Variants in DNAL1 observed in about 807,000 individuals in gnomAD.
The protein encoded by DNAL1 is dynein axonemal light chain 1, also known as chromosome 14 open reading frame 168.
In DNAL1, 17 loss-of-function variants were observed where a neutral mutation model predicts 29.4. The observed-to-expected ratio is 0.58, with a 90% CI of 0.40 to 0.87. The LOEUF is 0.87. DNAL1 is among the 40% of genes least tolerant of loss of function. The pLI, the probability that DNAL1 is intolerant of heterozygous loss-of-function variation, is 0.00. For synonymous variants in DNAL1, 78 were observed against 76.3 expected, an observed-to-expected ratio of 1.02 and a Z score of -0.12; for missense variants, 188 against 214.1, an observed-to-expected ratio of 0.88 and a Z score of 0.76.
In DNAL1 at chr14:73,698,143, G is replaced by A. The variant is rs1892346622; in HGVS notation, c.*2201G>A. The A allele has an allele frequency of 6.6e-6, 1 of 152,166 alleles. No individual in the cohort carries two copies. Among genetic ancestry groups the A allele is most frequent in the Admixed American group, 6.5e-5 (1 of 15,278 alleles). The allele number at this position is 152,166 out of a possible 1,614,324, so 9.4% of individuals were successfully genotyped here. On this transcript the variant is annotated 3_prime_UTR_variant, in exon 8 of 8. Coordinates refer to ENST00000553645, the MANE Select transcript of DNAL1 (RefSeq NM_031427.4). ...TCTGAATTCTGTAATATAGAAACTG[G>A]TTCTCTTTCTCCTTGTTTCTCAATG...
At chr14:73,679,100 G>A (rs1891813810) in intron 5 of DNAL1, among the ~76,000 whole-genome samples, 1 of 152,044 alleles carries the variant, frequency 6.6e-6, no homozygotes. Context: ...GGGTTCAAGC[G>A]ATTCTCCTGC....
chr14:73,700,640 G>C lies in DNAL1; in HGVS notation c.*4698G>C, dbSNP rs1293725941. On this transcript the variant is annotated 3_prime_UTR_variant, in exon 8 of 8. Coordinates refer to ENST00000553645, the MANE Select transcript of DNAL1 (RefSeq NM_031427.4). ...AGTGTCAAAGCATCAGTCATGAATA[G>C]ATTATGTCTCTCTGACTACAGTCAG... 6.6e-6 allele frequency: 1 copy of C among 152,216 alleles called. No homozygotes were observed. The highest frequency in any genetic ancestry group is 6.5e-5 in the Admixed American group (1 of 15,270). The allele number at this position is 152,216 out of a possible 1,614,324, so 9.4% of individuals were successfully genotyped here.
At chr14:73,693,078 C>A (rs1362076105) in intron 7 of DNAL1, among the ~76,000 whole-genome samples, 1 of 152,112 alleles carries the variant, frequency 6.6e-6, no homozygotes, top group Non-Finnish European at 1.5e-5. Context: ...TCGTGATCCA[C>A]CCACCTCAGC....
At chr14:73,660,673 G>A (rs866586170) in intron 3 of DNAL1, among the ~76,000 whole-genome samples, 33 of 152,220 alleles carry the variant, frequency 2.2e-4, no homozygotes, top group African/African-American at 3.4e-4. Context: ...GCTTTTGTAC[G>A]CAGCTTGTTC....
At position 73,658,902 on chromosome 14, in the gene DNAL1, A is replaced by G. The variant is rs1390555481; in HGVS notation, c.98A>G (p.Gln33Arg). ...GCCAAAGAGATAAAACTTTATGCCCAGATTCCCCCTATAGAGAAGATGGAT... is the reference window on the plus strand; with the variant it reads ...GCCAAAGAGATAAAACTTTATGCCCGGATTCCCCCTATAGAGAAGATGGAT... Reference protein sequence around the residue: ...SEAKEIKLYAQIPPIEKMDAS... With the variant: ...SEAKEIKLYARIPPIEKMDAS... Residue 33 changes from glutamine to arginine, a missense_variant, in exon 3 of 8, where the codon CAG becomes CGG. By Grantham distance (43) the Gln-to-Arg change is conservative. Coordinates refer to ENST00000553645, the MANE Select transcript of DNAL1 (RefSeq NM_031427.4). 2 of 1,600,074 alleles carry G rather than the reference A, an allele frequency of 1.2e-6. No individual in the cohort carries two copies. The highest frequency in any genetic ancestry group is 2.3e-5 in the East Asian group (1 of 44,306).
chr14:73,681,993 T>C (rs1158935114), intron 5 of DNAL1, among the ~76,000 whole-genome samples: 1 of 151,382 alleles, frequency 6.6e-6, no homozygotes, highest in Admixed American at 6.6e-5. Context: ...ATGCCTATAA[T>C]TCCAGTTACT....
chr14:73,670,240 A>T (rs1296547766), intron 4 of DNAL1, among the ~76,000 whole-genome samples: 1 of 152,234 alleles, frequency 6.6e-6, no homozygotes, highest in Non-Finnish European at 1.5e-5. Context: ...GAACAATGTC[A>T]TCCAACAGAA....
chr14:73,680,637 T>C (rs1891853392), intron 5 of DNAL1, among the ~76,000 whole-genome samples: 1 of 152,186 alleles, frequency 6.6e-6, no homozygotes, highest in South Asian at 2.1e-4. Flanking sequence ...AAACATTATT[T>C]ATTTATAGTG....
At chr14:73,652,357 G>C (rs1367376954) in intron 1 of DNAL1, among the ~76,000 whole-genome samples, 1 of 152,066 alleles carries the variant, frequency 6.6e-6, no homozygotes, top group East Asian at 1.9e-4. Flanking sequence ...TCTCTCCCTG[G>C]GTCAAATGAT....
At chr14:73,685,956 T>C (rs2140057158) in intron 5 of DNAL1, among the ~76,000 whole-genome samples, 1 of 152,286 alleles carries the variant, frequency 6.6e-6, no homozygotes, top group East Asian at 1.9e-4. Flanking sequence ...CGAAGTGGAA[T>C]GGCTGGATCC....
rs151216475 is a variant in DNAL1, at chr14:73,665,561, C to T, written c.208+3519C>T. 7.5e-3 allele frequency among the ~76,000 whole-genome samples: 1,137 copies of T among 152,120 alleles called. 14 individuals carry two copies. Among genetic ancestry groups the T allele is most frequent in the African/African-American group, 0.026 (1,060 of 41,492 alleles). Reference sequence around the variant, plus strand: ...ATCCCAGCACTTTGGGAGGCCGAGGCGGGTGGATCACCTGAGGTCAGGAGT... The same window carrying T: ...ATCCCAGCACTTTGGGAGGCCGAGGTGGGTGGATCACCTGAGGTCAGGAGT... On this transcript the variant is annotated intron_variant, in intron 4 of 7. Coordinates refer to ENST00000553645, the MANE Select transcript of DNAL1 (RefSeq NM_031427.4).
chr14:73,688,408 G>T (rs1464553600), intron 6 of DNAL1, among the ~76,000 whole-genome samples: 1 of 152,148 alleles, frequency 6.6e-6, no homozygotes, highest in African/African-American at 2.4e-5. Context: ...TCAGGAGTTT[G>T]AGACTAGCCT....
intron 5 of DNAL1, among the ~76,000 whole-genome samples, chr14:73,677,393 CT>C (rs1891761246): frequency 6.6e-6 from 1 of 151,450 alleles, no homozygotes; most frequent in South Asian, 2.1e-4. Context: ...TGAACTCAAA[CT>C]CCTGGGCTCA....
Position 73,702,970 on chromosome 14 carries a change from A to T in DNAL1, c.*7028A>T, listed in dbSNP as rs1401528489. The T allele has an allele frequency of 2.6e-5, 4 of 152,114 alleles. No individual in the cohort carries two copies. Among genetic ancestry groups the T allele is most frequent in the Non-Finnish European group, 4.4e-5 (3 of 68,026 alleles). 9.4% of individuals were successfully genotyped at this position (152,114 alleles called of 1,614,324 possible). A position where few individuals can be genotyped will look rare whatever the true frequency, so the allele number is the denominator to read the frequency against. On this transcript the variant is annotated 3_prime_UTR_variant, in exon 8 of 8. Transcript: ENST00000553645. ...ACAAAAAAAAAAAAAGAAAAAAAAA[A>T]TTAGTTGGGCATGGCAATGCCGCCT...
chr14:73,655,026 G>A (rs1008186159), intron 2 of DNAL1, 141 bp downstream of exon 2: 3 of 809,628 alleles, frequency 3.7e-6, no homozygotes, highest in Non-Finnish European at 5.7e-6. Context: ...GTGGATGCAT[G>A]AACTTACACA....
chr14:73,656,464 C>T (rs1250208383), intron 2 of DNAL1, among the ~76,000 whole-genome samples: 7 of 145,000 alleles, frequency 4.8e-5, no homozygotes, highest in Non-Finnish European at 7.5e-5. Flanking sequence ...GACAGTGTCT[C>T]GCTCTGTCAC....
chr14:73,703,164 A>G lies in DNAL1; in HGVS notation c.*7222A>G, dbSNP rs776974559. ...TTATACAAAGAAAGCCTTAATTCAG[A>G]TCATAAATATCCCATTGTTATTTTT... On this transcript the variant is annotated 3_prime_UTR_variant, in exon 8 of 8. Coordinates refer to ENST00000553645, the MANE Select transcript of DNAL1 (RefSeq NM_031427.4). 2 of 152,212 alleles carry G rather than the reference A, an allele frequency of 1.3e-5. No individual in the cohort carries two copies. The highest frequency in any genetic ancestry group is 2.9e-5 in the Non-Finnish European group (2 of 68,034). The allele number at this position is 152,212 out of a possible 1,614,324, so 9.4% of individuals were successfully genotyped here.
At chr14:73,659,226 A>G (rs918498937) in intron 3 of DNAL1, among the ~76,000 whole-genome samples, 1 of 148,990 alleles carries the variant, frequency 6.7e-6, no homozygotes, top group Non-Finnish European at 1.5e-5. Flanking sequence ...CAATGGCATG[A>G]TCTCGGCTCA....
At chr14:73,647,387 A>T (rs1475527055) in intron 1 of DNAL1, among the ~76,000 whole-genome samples, 1 of 150,616 alleles carries the variant, frequency 6.6e-6, no homozygotes, top group Non-Finnish European at 1.5e-5. Flanking sequence ...AAAAAGAAAA[A>T]GAAAAAGAAA....
Sources: gnomAD v4.1 joint callset for allele counts (sites outside exome capture counted in the v4.1 genomes callset) on GRCh38, gnomAD v4.1.1 for gene constraint, MANE v1.5 for transcripts, NCBI Gene and HGNC (gene_info 2026-07-23, HGNC 2026-07-21) for gene names.